The following TMEM117 variants were observed in gnomAD, a reference collection of about 807,000 sequenced individuals.
TMEM117 encodes the protein transmembrane protein 117.
TMEM117 carries 27 observed loss-of-function variants against 52.4 expected under a neutral mutation model. The observed-to-expected ratio is 0.51, with a 90% CI of 0.38 to 0.71. The LOEUF (loss-of-function observed/expected upper bound fraction) is 0.71, where lower values mean the gene tolerates loss of function less well. TMEM117 is among the 30% of genes least tolerant of loss of function. The pLI is 0.00. For missense variants in TMEM117, 556 were observed against 630.5 expected, an observed-to-expected ratio of 0.88 and a Z score of 1.26; for synonymous variants, 215 against 206.3, an observed-to-expected ratio of 1.04 and a Z score of -0.36.
At chr12:44,102,086 A>G (rs1947870871) in intron 3 of TMEM117, among the ~76,000 whole-genome samples, 1 of 152,044 alleles carries the variant, frequency 6.6e-6, no homozygotes, top group South Asian at 2.1e-4. Flanking sequence ...AAATTAGAAT[A>G]ATGAAGAACA....
intron 5 of TMEM117, among the ~76,000 whole-genome samples, chr12:44,245,671 G>T (rs1950120272): frequency 1.3e-5 from 2 of 150,748 alleles, no homozygotes; most frequent in African/African-American, 2.4e-5. Context: ...TTTCCTATTT[G>T]GATACCTTTT....
intron 5 of TMEM117, among the ~76,000 whole-genome samples, chr12:44,244,971 GTCT>G (rs1950110822): frequency 6.6e-6 from 1 of 151,934 alleles, no homozygotes; most frequent in Non-Finnish European, 1.5e-5. Context: ...GTATGTTCTT[GTCT>G]TCTTTGTCAA....
chr12:44,102,841 G>C (rs1947886109), intron 3 of TMEM117, among the ~76,000 whole-genome samples: 1 of 151,910 alleles, frequency 6.6e-6, no homozygotes, highest in Admixed American at 6.6e-5. Context: ...TTGAATCATG[G>C]GAGTGGTTAC....
intron 5 of TMEM117, among the ~76,000 whole-genome samples, chr12:44,276,890 T>TTGTGTGTGTGTGTGTGTA (rs2138583112): frequency 1.4e-5 from 2 of 145,282 alleles, no homozygotes; most frequent in South Asian, 4.3e-4. Flanking sequence ...CATGAAAAGT[T>TTGTGTGTGTGTGTGTGTA]TGTGTGTGTG....
intron 2 of TMEM117, among the ~76,000 whole-genome samples, chr12:43,904,501 C>G (rs1565743117): frequency 6.6e-6 from 1 of 152,126 alleles, no homozygotes; most frequent in African/African-American, 2.4e-5. Flanking sequence ...ACAAAGCAGT[C>G]TTTCTCCTGA....
chr12:44,250,352 G>A (rs1424215926), intron 5 of TMEM117, among the ~76,000 whole-genome samples: 1 of 152,144 alleles, frequency 6.6e-6, no homozygotes, highest in African/African-American at 2.4e-5. Flanking sequence ...ATACTGGCGA[G>A]GCTGTGGAGA....
chr12:44,281,791 TGTCTGTATTAATGG>T (rs1226877815), intron 5 of TMEM117, among the ~76,000 whole-genome samples: 3 of 152,222 alleles, frequency 2.0e-5, no homozygotes, highest in Non-Finnish European at 4.4e-5. Context: ...TTCCTGGCAT[TGTCTGTATTAATGG>T]GCATTAATCT....
intron 5 of TMEM117, among the ~76,000 whole-genome samples, chr12:44,247,238 G>A (rs928869397): frequency 1.3e-5 from 2 of 152,140 alleles, no homozygotes; most frequent in Admixed American, 6.6e-5. Flanking sequence ...CAAAAGCGAA[G>A]TCTGTATGGT....
chr12:44,061,958 AG>A (rs1947145901), intron 3 of TMEM117, among the ~76,000 whole-genome samples: 1 of 152,114 alleles, frequency 6.6e-6, no homozygotes, highest in African/African-American at 2.4e-5. Flanking sequence ...GGAAAATGGA[AG>A]GGCATTTTTA....
chr12:44,193,175 C>T (rs1446327267), intron 4 of TMEM117, among the ~76,000 whole-genome samples: 1 of 152,040 alleles, frequency 6.6e-6, no homozygotes, highest in Non-Finnish European at 1.5e-5. Context: ...ATCTTGTGTT[C>T]TACAGTGCTA....
chr12:43,802,795 G>A, the TMEM117 span, among the ~76,000 whole-genome samples: 199 of 152,236 alleles, frequency 1.3e-3, no homozygotes, highest in African/African-American at 4.7e-3. Flanking sequence ...AAATGTCTGA[G>A]CTTAAGTTAT....
chr12:44,320,963 A>G (rs1951122088), intron 6 of TMEM117, among the ~76,000 whole-genome samples: 1 of 152,206 alleles, frequency 6.6e-6, no homozygotes, highest in South Asian at 2.1e-4. Flanking sequence ...TTGGGACTCA[A>G]TATTCACATT....
intron 3 of TMEM117, among the ~76,000 whole-genome samples, chr12:44,082,352 T>C (rs1187853111): frequency 6.6e-6 from 1 of 151,998 alleles, no homozygotes; most frequent in East Asian, 1.9e-4. Context: ...GACTTCTAAT[T>C]GTGTTTGAAG....
rs1951918154 is a variant in TMEM117, at chr12:44,374,789, TGTC to T, written c.769-1803_769-1801del. ...AAAGCTAAATGGGAGCATTCAAAAG[TGTC>T]GTTCTAAAAAGAAGCCGGTTCTGAA... On this transcript the variant is annotated intron_variant, in intron 6 of 7. Coordinates refer to ENST00000266534, the MANE Select transcript of TMEM117 (RefSeq NM_032256.3). 3.3e-5 allele frequency among the ~76,000 whole-genome samples: 5 copies of T among 152,150 alleles called. No individual in the cohort carries two copies. In the South Asian group the frequency reaches 6.2e-4, roughly 19 times the overall value.
At chr12:43,936,093 AG>A (rs1944948243) in intron 2 of TMEM117, among the ~76,000 whole-genome samples, 1 of 152,144 alleles carries the variant, frequency 6.6e-6, no homozygotes, top group African/African-American at 2.4e-5. Flanking sequence ...TTTTAAGTGA[AG>A]GGGTGACTTG....
the TMEM117 span, among the ~76,000 whole-genome samples, chr12:43,818,882 A>G: frequency 6.6e-6 from 1 of 152,190 alleles, no homozygotes; most frequent in East Asian, 1.9e-4. Context: ...ACCTCTTTCC[A>G]CTTTTTATTT....
At chr12:44,019,842 T>C (rs1032860365) in intron 3 of TMEM117, among the ~76,000 whole-genome samples, 1 of 152,208 alleles carries the variant, frequency 6.6e-6, no homozygotes, top group Non-Finnish European at 1.5e-5. Context: ...ACGTGAGTAA[T>C]GAATCCCCCC....
chr12:43,953,419 A>C (rs1376262046), intron 3 of TMEM117, among the ~76,000 whole-genome samples: 2 of 152,234 alleles, frequency 1.3e-5, no homozygotes, highest in African/African-American at 4.8e-5. Flanking sequence ...TCATGTGCGA[A>C]GACACACATA....
intron 5 of TMEM117, among the ~76,000 whole-genome samples, chr12:44,292,020 C>T (rs1418679088): frequency 2.0e-5 from 3 of 151,890 alleles, no homozygotes; most frequent in African/African-American, 7.2e-5. Flanking sequence ...TTGGAGGTAT[C>T]CTCTCCTTCT....
Sources: gnomAD v4.1 joint callset for allele counts (sites outside exome capture counted in the v4.1 genomes callset) on GRCh38, gnomAD v4.1.1 for gene constraint, MANE v1.5 for transcripts, NCBI Gene and HGNC (gene_info 2026-07-23, HGNC 2026-07-21) for gene names.